TUB: variants seen among roughly 807,000 people sequenced by gnomAD.
TUB encodes the protein TUB bipartite transcription factor, also known as tubby protein homolog.
In TUB, 33 loss-of-function variants were observed where a neutral mutation model predicts 59.7. The ratio of observed to expected loss-of-function variants is 0.55; its 90% confidence interval spans 0.42 to 0.74. The LOEUF is 0.74. Ranked by LOEUF, TUB falls within the 30% of genes least tolerant of loss-of-function variation. TUB has a pLI of 0.00. For missense variants in TUB, 659 were observed against 672.0 expected (o/e 0.98, Z 0.21); for synonymous variants, 293 against 256.4 (o/e 1.14, Z -1.36).
At position 8,102,561 on chromosome 11, in the gene TUB, A is replaced by C. The variant is rs1283199995; in HGVS notation, c.*942A>C. 2 of 152,162 alleles carry C rather than the reference A, an allele frequency of 1.3e-5. No homozygotes were observed. Among genetic ancestry groups the C allele is most frequent in the African/African-American group, 4.8e-5 (2 of 41,406 alleles). 9.4% of individuals were successfully genotyped at this position (152,162 alleles called of 1,614,324 possible). ...ATGCCTGGGAATCCTGCTGCCAGAGAACCATTCCCAAGCCATGGCATGCTC... is the reference window on the plus strand; with the variant it reads ...ATGCCTGGGAATCCTGCTGCCAGAGCACCATTCCCAAGCCATGGCATGCTC... On this transcript the variant is annotated 3_prime_UTR_variant, in exon 12 of 12. Transcript: ENST00000299506.
At chr11:8,088,768 A>C (rs1943714259) in intron 1 of TUB, among the ~76,000 whole-genome samples, 1 of 152,226 alleles carries the variant, frequency 6.6e-6, no homozygotes, top group Non-Finnish European at 1.5e-5. Flanking sequence ...TTGAGTTACC[A>C]GTTCCCTACT....
chr11:8,058,267 T>G (rs1327112314), intron 2 of TUB, among the ~76,000 whole-genome samples: 1 of 150,904 alleles, frequency 6.6e-6, no homozygotes, highest in Non-Finnish European at 1.5e-5. Context: ...ATTAAACAAG[T>G]TATGTTTACA....
chr11:8,038,770 G>A, exon 1 of TUB: 1 of 1,515,738 alleles, frequency 6.6e-7, no homozygotes, highest in Non-Finnish European at 8.8e-7. Flanking sequence ...CCAAGTGCTG[G>A]TTTCAGTACT....
chr11:8,073,932 C>T (rs1292496224), intron 2 of TUB, among the ~76,000 whole-genome samples: 1 of 151,682 alleles, frequency 6.6e-6, no homozygotes, highest in Non-Finnish European at 1.5e-5. Context: ...CAGCATCATC[C>T]TTCCTGCACT....
intron 2 of TUB, among the ~76,000 whole-genome samples, chr11:8,057,260 G>T (rs908600068): frequency 6.6e-6 from 1 of 152,290 alleles, no homozygotes; most frequent in African/African-American, 2.4e-5. Context: ...GCATCAAACT[G>T]GCCGGGCACA....
intron 1 of TUB, among the ~76,000 whole-genome samples, chr11:8,083,174 C>G (rs1014832484): frequency 3.3e-5 from 5 of 152,174 alleles, no homozygotes; most frequent in Admixed American, 2.0e-4. Flanking sequence ...TTTCTAGCCA[C>G]GCGGCAGAGG....
At chr11:8,072,986 C>A (rs1359575455) in intron 2 of TUB, among the ~76,000 whole-genome samples, 1 of 152,188 alleles carries the variant, frequency 6.6e-6, no homozygotes, top group Non-Finnish European at 1.5e-5. Flanking sequence ...TAAAAGGAGC[C>A]TTAGAGACAG....
chr11:8,040,559 T>C (rs1311474186), intron 2 of TUB, among the ~76,000 whole-genome samples: 1 of 152,200 alleles, frequency 6.6e-6, no homozygotes, highest in East Asian at 1.9e-4. Context: ...AGTATGGCCT[T>C]CATGGCAGGG....
At chr11:8,041,273 A>G (rs981088000) in intron 2 of TUB, among the ~76,000 whole-genome samples, 5 of 152,152 alleles carry the variant, frequency 3.3e-5, no homozygotes, top group African/African-American at 1.2e-4. Context: ...AGTATCCCTT[A>G]ATATCAGGTA....
At chr11:8,064,042 G>A (rs1943186049) in intron 2 of TUB, among the ~76,000 whole-genome samples, 1 of 152,210 alleles carries the variant, frequency 6.6e-6, no homozygotes, top group African/African-American at 2.4e-5. Flanking sequence ...GGCAGGATCG[G>A]TTCTGAGTCT....
rs7928634 is a variant in TUB at position 8,083,777 on chromosome 11, G to C, written c.38+2229G>C. 2.2e-3 allele frequency among the ~76,000 whole-genome samples: 331 copies of C among 152,250 alleles called. 3 individuals are homozygous for C. Among genetic ancestry groups the C allele is most frequent in the African/African-American group, 7.5e-3 (310 of 41,562 alleles). On this transcript the variant is annotated intron_variant, in intron 1 of 11. Coordinates refer to ENST00000299506, the MANE Select transcript of TUB (RefSeq NM_177972.3). ...CACCTCCTCGTTCTGTTGTAGAGAG[G>C]GGGGTGTGTAGCTGGAGGCAGGCTA... is the stretch of plus-strand genomic sequence containing the variant.
chr11:8,039,169 GC>G, intron 1 of TUB: 1 of 1,116,998 alleles, frequency 9.0e-7, no homozygotes, highest in Non-Finnish European at 1.2e-6. Context: ...ACCACGTGGA[GC>G]CCCACAGGTA....
chr11:8,021,270 G>A (rs1168261461), intron 1 of TUB, among the ~76,000 whole-genome samples: 1 of 152,112 alleles, frequency 6.6e-6, no homozygotes, highest in African/African-American at 2.4e-5. Context: ...GACCAGCCTG[G>A]CCAACATGGT....
chr11:8,098,969 G>A, intron 9 of TUB, 94 bp downstream of exon 9: 1 of 920,858 alleles, frequency 1.1e-6, no homozygotes, highest in Non-Finnish European at 1.8e-6. Context: ...CCATCTTAGT[G>A]GGTAGACAAG....
At chr11:8,080,223 T>A (rs973241527), upstream of TUB, among the ~76,000 whole-genome samples, 1 of 152,228 alleles carries the variant, frequency 6.6e-6, no homozygotes, top group African/African-American at 2.4e-5. Flanking sequence ...GAATCCAGGA[T>A]GCACACGAGG....
In TUB at chr11:8,100,836, C is replaced by T. The variant is rs1944261496; in HGVS notation, c.1226C>T (p.Thr409Ile). 7 of 1,614,048 alleles carry T rather than the reference C, an allele frequency of 4.3e-6. No individual in the cohort carries two copies. In the East Asian group the frequency reaches 1.3e-4, roughly 31 times the overall value. ...VSIRPRNEHE[T>I]LLARWQNKNT... ...AGGCTGCCCTCCCAGGAGCATGAGA[C>T]ACTGCTAGCACGCTGGCAGAATAAG... Residue 409 changes from threonine (T) to isoleucine (I), a missense_variant, in exon 11 of 12, where the codon ACA becomes ATA. This residue lies in a region of TUB where 226 missense variants were observed against 210.8 expected (regional missense o/e 1.07). Coordinates refer to ENST00000299506, the MANE Select transcript of TUB (RefSeq NM_177972.3).
intron 1 of TUB, among the ~76,000 whole-genome samples, chr11:8,086,114 C>G (rs911536124): frequency 2.6e-5 from 4 of 152,216 alleles, no homozygotes; most frequent in African/African-American, 9.6e-5. Context: ...ACTCCAGGGT[C>G]AGCTGAAAGA....
upstream of TUB, among the ~76,000 whole-genome samples, chr11:8,036,243 C>A (rs1032306649): frequency 3.9e-5 from 6 of 152,144 alleles, no homozygotes; most frequent in Non-Finnish European, 8.8e-5. Context: ...AGAAGCACCT[C>A]TGCCCTGCCT....
chr11:8,073,903 A>ATT (rs766660085), intron 2 of TUB, among the ~76,000 whole-genome samples: 95,161 of 139,686 alleles, frequency 0.68, 30,528 homozygotes, highest in African/African-American at 0.79. Context: ...AAGAGCAGGT[A>ATT]AAGAGCAGAA....
Sources: allele counts gnomAD v4.1 joint callset (sites outside exome capture counted in the v4.1 genomes callset), GRCh38; gene constraint gnomAD v4.1.1; regional missense constraint gnomAD v4.1.1; transcripts MANE v1.5; gene names NCBI Gene and HGNC (gene_info 2026-07-23, HGNC 2026-07-21).